Variants in ACACB observed in about 807,000 individuals in gnomAD.
ACACB encodes the protein acetyl-CoA carboxylase 2.
In ACACB, 209 loss-of-function variants were observed where a neutral mutation model predicts 278.8. The ratio of observed to expected loss-of-function variants is 0.75; its 90% CI spans 0.67 to 0.84. The LOEUF is 0.84. Ranked by LOEUF, ACACB falls within the 40% of genes least tolerant of loss-of-function variation. The pLI is 0.00. For synonymous variants in ACACB, 1,174 were observed against 1,285.6 expected (o/e 0.91, Z 1.86); for missense variants, 2,850 against 3,269.0 (o/e 0.87, Z 3.13).
chr12:109,191,497 A>T (rs1257246033), intron 13 of ACACB, 116 bp from the exon 14 acceptor site: 1 of 1,333,914 alleles, frequency 7.5e-7, no homozygotes, highest in East Asian at 2.3e-5. Flanking sequence ...TACAGGCGTG[A>T]GCCACCACAC....
chr12:109,262,591 T>G, intron 49 of ACACB, 122 bp downstream of exon 49: 1 of 606,560 alleles, frequency 1.6e-6, no homozygotes, highest in Non-Finnish European at 2.9e-6. Flanking sequence ...CTATAATAAC[T>G]GTGAGATTTT....
chr12:109,169,002 G>A lies in ACACB; in HGVS notation c.925+968G>A, dbSNP rs182694069. On this transcript the variant is annotated intron_variant, in intron 4 of 52. Coordinates refer to ENST00000338432, the MANE Select transcript of ACACB (RefSeq NM_001093.4). ...TAAAAATACCTCCCAAAAATTTGCC[G>A]GGCATGGTGGCAGGTGCCTGTAGTC... 5.2e-3 allele frequency among the ~76,000 whole-genome samples: 791 copies of A among 152,100 alleles called. 9 individuals carry two copies. The highest frequency in any genetic ancestry group is 0.02 in the South Asian group (94 of 4,816).
chr12:109,254,718 T>G (rs1421997700), intron 44 of ACACB, among the ~76,000 whole-genome samples: 2 of 151,516 alleles, frequency 1.3e-5, no homozygotes, highest in Non-Finnish European at 2.9e-5. Context: ...ATCTTTCTCT[T>G]TCTTTCTCTC....
intron 1 of ACACB, among the ~76,000 whole-genome samples, chr12:109,118,940 A>C (rs968543690): frequency 6.6e-6 from 1 of 152,088 alleles, no homozygotes; most frequent in African/African-American, 2.4e-5. Context: ...AGGAAGATAG[A>C]CCGTGTTCAT....
chr12:109,257,319 TAAA>T (rs537031911), intron 45 of ACACB, among the ~76,000 whole-genome samples: 1 of 138,608 alleles, frequency 7.2e-6, no homozygotes, highest in African/African-American at 2.6e-5. Context: ...AAGCAAAAAA[TAAA>T]AAAAAAAAAA....
At chr12:109,210,268 TAC>T (rs150154549) in intron 21 of ACACB, among the ~76,000 whole-genome samples, 930 of 8,760 alleles carry the variant, frequency 0.11, 207 homozygotes, top group East Asian at 0.23. Flanking sequence ...TGTGTATATG[TAC>T]ATATACACAC....
intron 28 of ACACB, 106 bp downstream of exon 28, chr12:109,227,595 G>C: frequency 9.5e-7 from 1 of 1,048,500 alleles, no homozygotes; most frequent in African/African-American, 1.6e-5. Flanking sequence ...CACGCTGCTG[G>C]GGAGACATCA....
At chr12:109,246,105 TAACTA>T in intron 38 of ACACB, 69 bp from the exon 39 acceptor site, 21 of 1,479,272 alleles carry the variant, frequency 1.4e-5, no homozygotes, top group Non-Finnish European at 1.8e-5. Context: ...AAAATAATAA[TAACTA>T]AAATAAAATA....
intron 22 of ACACB, among the ~76,000 whole-genome samples, chr12:109,215,250 C>G (rs768794745): frequency 8.6e-5 from 13 of 151,908 alleles, no homozygotes; most frequent in Non-Finnish European, 1.9e-4. Context: ...AAATTGGCTA[C>G]CCCTGTTCAG....
At chr12:109,216,733 T>G (rs1435713756) in intron 23 of ACACB, 27 bp downstream of exon 23, 6 of 1,613,800 alleles carry the variant, frequency 3.7e-6, no homozygotes, top group Non-Finnish European at 5.1e-6. Flanking sequence ...CCAACACCAG[T>G]GGGATGGTGG....
rs747942138 is a variant in ACACB at position 109,242,503 on chromosome 12, G to A, written c.5089G>A (p.Val1697Ile). 2.1e-5 allele frequency: 34 copies of A among 1,613,980 alleles called. No individual in the cohort carries two copies. Among genetic ancestry groups the A allele is most frequent in the African/African-American group, 4.0e-5 (3 of 74,912 alleles). The part of the protein sequence containing the change: ...QHGMLINTPY[V>I]TKDLLQAKRF... ...CGGGATGCTGATCAATACTCCCTAC[G>A]TCACCAAGGATCTGCTCCAGGCCAA... Residue 1697 changes from valine (V) to isoleucine (I), a missense_variant, in exon 37 of 53, where the codon GTC becomes ATC. Transcript: ENST00000338432.
chr12:109,194,570 G>A (rs1351693427), intron 16 of ACACB, among the ~76,000 whole-genome samples: 4 of 75,670 alleles, frequency 5.3e-5, no homozygotes, highest in Non-Finnish European at 1.3e-4. Context: ...CTCCCAAAGT[G>A]CTGGGATTAC....
intron 19 of ACACB, 132 bp downstream of exon 19, chr12:109,201,833 A>T: frequency 1.6e-6 from 2 of 1,260,568 alleles, no homozygotes; most frequent in Non-Finnish European, 2.1e-6. Flanking sequence ...AGCTCGTCGC[A>T]GCAGCCACCG....
In ACACB at chr12:109,185,719, C is replaced by T; in HGVS notation, c.1959C>T (p.Ile653=). 2 of 1,611,456 alleles carry T rather than the reference C, an allele frequency of 1.2e-6. No individual in the cohort carries two copies. The highest frequency in any genetic ancestry group is 8.5e-7 in the Non-Finnish European group (1 of 1,178,414). Residue 653 remains isoleucine, a synonymous_variant, in exon 12 of 53, where the codon ATC becomes ATT. Coordinates refer to ENST00000338432, the MANE Select transcript of ACACB (RefSeq NM_001093.4). Reference sequence around the variant, plus strand: ...GAGGCCACGTCATTGCCGCCAGAATCACCAGCGAAAACCCAGACGAGGCAA... The same window carrying T: ...GAGGCCACGTCATTGCCGCCAGAATTACCAGCGAAAACCCAGACGAGGCAA... ...LARGHVIAAR[I]TSENPDEGFK... is the part of the protein sequence containing the mutation.
chr12:109,207,001 G>A, intron 20 of ACACB, 145 bp downstream of exon 20: 1 of 1,064,364 alleles, frequency 9.4e-7, no homozygotes. Flanking sequence ...TATTTTTTCA[G>A]ACAAGGTCTC....
At chr12:109,153,200 G>A (rs1290101263) in intron 2 of ACACB, among the ~76,000 whole-genome samples, 2 of 151,660 alleles carry the variant, frequency 1.3e-5, no homozygotes, top group Admixed American at 6.6e-5. Context: ...TGTTGGCCAG[G>A]CTGGTCTTGA....
At chr12:109,187,919 T>A in intron 12 of ACACB, 80 bp from the exon 13 acceptor site, 1 of 1,513,138 alleles carries the variant, frequency 6.6e-7, no homozygotes, top group South Asian at 1.3e-5. Context: ...GGTTCTTGGG[T>A]TTTCCCAGGA....
rs1565907900 is a variant in ACACB, at chr12:109,194,502, CTGTGTGTGCATGTG to C, written c.2481+782_2481+795del. 2.2e-3 allele frequency among the ~76,000 whole-genome samples: 161 copies of C among 73,006 alleles called. 1 individual carries two copies. The highest frequency in any genetic ancestry group is 7.9e-3 in the African/African-American group (151 of 19,202). 47.9% of individuals were successfully genotyped at this position (73,006 alleles called of 152,430 possible). On this transcript the variant is annotated intron_variant, in intron 16 of 52. Transcript: ENST00000338432. ...ATGAGCCACCCCCCAACCTCTGCCT[CTGTGTGTGCATGTG>C]TGTGTGTGTGTGTGTGTGTGTGTGT... is the stretch of plus-strand genomic sequence containing the variant.
rs191280330 is a variant in ACACB at position 109,201,805 on chromosome 12, G to A, written c.2913+104G>A. 1.6e-4 allele frequency: 226 copies of A among 1,428,760 alleles called. 1 individual carries two copies. In the African/African-American group the frequency reaches 2.9e-3, roughly 18 times the overall value. The allele number at this position is 1,428,760 out of a possible 1,614,324, so 88.5% of individuals were successfully genotyped here. ...ACTCAAGGCTGGTAGCGCTTCTCCT[G>A]CCTCCACCTGCAGACAGAGCTCGTC... On this transcript the variant is annotated intron_variant, in intron 19 of 52. Coordinates refer to ENST00000338432, the MANE Select transcript of ACACB (RefSeq NM_001093.4).
Sources: gnomAD v4.1 joint callset for allele counts (sites outside exome capture counted in the v4.1 genomes callset) on GRCh38, gnomAD v4.1.1 for gene constraint, MANE v1.5 for transcripts, NCBI Gene and HGNC (gene_info 2026-07-23, HGNC 2026-07-21) for gene names.